The following CNTNAP2 variants were observed in gnomAD, a reference collection of about 807,000 sequenced individuals.
The protein encoded by CNTNAP2 is contactin-associated protein-like 2.
CNTNAP2 carries 98 observed loss-of-function variants against 155.2 expected under a neutral mutation model. That is an observed-to-expected ratio of 0.63 (90% CI 0.54 to 0.75). CNTNAP2 has a LOEUF of 0.75. Ranked by LOEUF, CNTNAP2 falls within the 30% of genes least tolerant of loss-of-function variation. CNTNAP2 has a pLI of 0.00. For synonymous variants in CNTNAP2, 651 were observed against 631.2 expected (o/e 1.03, Z -0.47); for missense variants, 1,727 against 1,688.1 (o/e 1.02, Z -0.40).
intron 1 of CNTNAP2, among the ~76,000 whole-genome samples, chr7:146,203,318 C>T (rs1164104271): frequency 6.6e-6 from 1 of 152,212 alleles, no homozygotes; most frequent in African/African-American, 2.4e-5. Context: ...TTCTGATGGA[C>T]AAGCTACAAA....
intron 1 of CNTNAP2, among the ~76,000 whole-genome samples, chr7:146,587,053 C>T (rs1798703595): frequency 1.3e-5 from 2 of 150,226 alleles, no homozygotes; most frequent in Admixed American, 1.3e-4. Context: ...TTTTAACAAA[C>T]TCATTGCTCT....
chr7:148,372,970 T>C (rs185738790), intron 21 of CNTNAP2, among the ~76,000 whole-genome samples: 13 of 152,298 alleles, frequency 8.5e-5, no homozygotes, highest in African/African-American at 3.1e-4. Context: ...ACACATTTGC[T>C]TTGGCCTCCA....
chr7:146,489,091 T>A (rs911018518), intron 1 of CNTNAP2, among the ~76,000 whole-genome samples: 1 of 152,192 alleles, frequency 6.6e-6, no homozygotes, highest in African/African-American at 2.4e-5. Flanking sequence ...TTCAGCAGTT[T>A]GGGGCCATTT....
At chr7:147,334,291 C>T (rs1220040457) in intron 9 of CNTNAP2, among the ~76,000 whole-genome samples, 2 of 152,122 alleles carry the variant, frequency 1.3e-5, no homozygotes, top group African/African-American at 2.4e-5. Flanking sequence ...AAATAAAACC[C>T]CAATCATCCC....
intron 1 of CNTNAP2, among the ~76,000 whole-genome samples, chr7:146,238,863 A>G (rs1799516601): frequency 6.6e-6 from 1 of 152,178 alleles, no homozygotes; most frequent in South Asian, 2.1e-4. Flanking sequence ...ACTACCAAAC[A>G]CAAAACCATC....
chr7:147,786,366 GGA>G (rs1491367094), intron 13 of CNTNAP2, among the ~76,000 whole-genome samples: 2 of 147,156 alleles, frequency 1.4e-5, no homozygotes, highest in African/African-American at 5.4e-5. Flanking sequence ...TCAACAGTGA[GGA>G]GGGGGTCTGG....
chr7:146,537,125 G>A (rs780894381), intron 1 of CNTNAP2, among the ~76,000 whole-genome samples: 1 of 152,022 alleles, frequency 6.6e-6, no homozygotes, highest in Non-Finnish European at 1.5e-5. Flanking sequence ...TGATACAGTA[G>A]TAAGTTTTGA....
chr7:148,413,540 T>C (rs780441767), intron 23 of CNTNAP2, among the ~76,000 whole-genome samples: 5 of 149,760 alleles, frequency 3.3e-5, no homozygotes, highest in Non-Finnish European at 5.9e-5. Context: ...TCTCCTCCTA[T>C]ATTTTAAGAA....
intron 15 of CNTNAP2, among the ~76,000 whole-genome samples, chr7:148,002,255 A>G (rs1268908190): frequency 6.6e-6 from 1 of 152,200 alleles, no homozygotes; most frequent in African/African-American, 2.4e-5. Flanking sequence ...TGGTAGGAAG[A>G]TGATAAGCAT....
chr7:146,711,773 TAC>T, intron 1 of CNTNAP2, among the ~76,000 whole-genome samples: 2 of 138,684 alleles, frequency 1.4e-5, no homozygotes, highest in Non-Finnish European at 3.2e-5. Flanking sequence ...ATATATAGTA[TAC>T]ACATCTTATG....
intron 1 of CNTNAP2, among the ~76,000 whole-genome samples, chr7:146,698,863 T>A (rs2129172837): frequency 6.6e-6 from 1 of 152,314 alleles, no homozygotes; most frequent in African/African-American, 2.4e-5. Context: ...CCTATTGACA[T>A]ATCTTCAAAC....
At chr7:146,904,630 C>T (rs1051051460) in intron 3 of CNTNAP2, among the ~76,000 whole-genome samples, 1 of 152,086 alleles carries the variant, frequency 6.6e-6, no homozygotes, top group African/African-American at 2.4e-5. Flanking sequence ...CGCCACCACG[C>T]CTGGCTAATT....
intron 16 of CNTNAP2, among the ~76,000 whole-genome samples, chr7:148,119,806 A>G (rs144143937): frequency 6.6e-6 from 1 of 152,220 alleles, no homozygotes; most frequent in African/African-American, 2.4e-5. Context: ...TTATTTTGGT[A>G]TCTAGTAGTT....
At chr7:147,152,211 A>G (rs947698905) in intron 8 of CNTNAP2, among the ~76,000 whole-genome samples, 1 of 152,032 alleles carries the variant, frequency 6.6e-6, no homozygotes, top group Non-Finnish European at 1.5e-5. Context: ...CAAAAATGTT[A>G]TAGTCAGAAA....
At chr7:148,261,096 T>C (rs780084349) in intron 20 of CNTNAP2, among the ~76,000 whole-genome samples, 5 of 152,218 alleles carry the variant, frequency 3.3e-5, no homozygotes, top group Non-Finnish European at 7.3e-5. Flanking sequence ...CCATCTTCCA[T>C]ATGAAAGTTT....
chr7:147,937,891 A>T (rs1800641958), intron 14 of CNTNAP2, among the ~76,000 whole-genome samples: 1 of 152,134 alleles, frequency 6.6e-6, no homozygotes, highest in Admixed American at 6.6e-5. Context: ...TATAATCTTA[A>T]TGATGATGAC....
intron 20 of CNTNAP2, among the ~76,000 whole-genome samples, chr7:148,247,233 T>C (rs145636557): frequency 3.0e-4 from 45 of 152,364 alleles, no homozygotes; most frequent in African/African-American, 9.9e-4. Context: ...GAAAACATGC[T>C]ATTTTTCTTC....
chr7:148,121,333 G>A lies in CNTNAP2; in HGVS notation c.2554+3045G>A, dbSNP rs1457359524. On this transcript the variant is annotated intron_variant, in intron 16 of 23. Coordinates refer to ENST00000361727, the MANE Select transcript of CNTNAP2 (RefSeq NM_014141.6). ...CAGGCGTGAGCCACCACGCCTGGCC[G>A]CTGATCATACTTTTTCAGTCAGACA... Among the ~76,000 whole-genome samples, 5 of 152,116 alleles carry A rather than the reference G, an allele frequency of 3.3e-5. No homozygotes were observed. The East Asian group carries it at 5.8e-4, about 18-fold the overall frequency.
chr7:146,679,343 G>GTTT (rs1554466871), intron 1 of CNTNAP2, among the ~76,000 whole-genome samples: 2 of 75,274 alleles, frequency 2.7e-5, no homozygotes, highest in African/African-American at 4.5e-5. Flanking sequence ...ACATGATCTT[G>GTTT]TTTCTTTTTT....
Sources: gnomAD v4.1 joint callset for allele counts (sites outside exome capture counted in the v4.1 genomes callset) on GRCh38, gnomAD v4.1.1 for gene constraint, MANE v1.5 for transcripts, NCBI Gene and HGNC (gene_info 2026-07-23, HGNC 2026-07-21) for gene names.